PDE1C: variants seen among roughly 807,000 people sequenced by gnomAD.
PDE1C encodes the protein phosphodiesterase 1C, also known as dual specificity calcium/calmodulin-dependent 3',5'-cyclic nucleotide phosphodiesterase 1C.
A neutral mutation model predicts 93.1 loss-of-function variants in PDE1C; 62 were observed. The ratio of observed to expected loss-of-function variants is 0.67; its 90% CI spans 0.54 to 0.82. PDE1C has a LOEUF of 0.82. PDE1C is among the 40% of genes least tolerant of loss of function. The pLI, the probability that PDE1C is intolerant of heterozygous loss-of-function variation, is 0.00. For synonymous variants in PDE1C, 325 were observed against 310.1 expected (o/e 1.05, Z -0.50); for missense variants, 742 against 884.6 (o/e 0.84, Z 2.04).
chr7:31,780,657 T>C (rs1359123493), intron 16 of PDE1C, among the ~76,000 whole-genome samples: 1 of 152,252 alleles, frequency 6.6e-6, no homozygotes, highest in African/African-American at 2.4e-5. Flanking sequence ...AAAACATCAA[T>C]GTCAGGACAA....
At chr7:32,218,731 A>C (rs971639776) in intron 1 of PDE1C, among the ~76,000 whole-genome samples, 1 of 152,230 alleles carries the variant, frequency 6.6e-6, no homozygotes, top group Non-Finnish European at 1.5e-5. Flanking sequence ...TTTATGCAAC[A>C]AAGTGAGATG....
intron 7 of PDE1C, among the ~76,000 whole-genome samples, chr7:31,852,364 G>A (rs548146776): frequency 3.2e-4 from 48 of 152,166 alleles, no homozygotes; most frequent in Non-Finnish European, 5.9e-4. Context: ...TGAGGTACAC[G>A]GAACAGAAAG....
At chr7:31,969,803 T>C (rs962890781) in intron 2 of PDE1C, among the ~76,000 whole-genome samples, 3 of 152,196 alleles carry the variant, frequency 2.0e-5, no homozygotes, top group African/African-American at 7.2e-5. Context: ...CATGGAATAC[T>C]ATGCAGCCAT....
chr7:31,764,328 T>C (rs1795010504), intron 17 of PDE1C, among the ~76,000 whole-genome samples: 1 of 152,074 alleles, frequency 6.6e-6, no homozygotes, highest in Non-Finnish European at 1.5e-5. Context: ...GTATTTTTAG[T>C]AGAGATGGGG....
chr7:32,020,802 A>G (rs542743959), intron 2 of PDE1C, among the ~76,000 whole-genome samples: 73 of 152,240 alleles, frequency 4.8e-4, no homozygotes, highest in African/African-American at 1.7e-3. Flanking sequence ...TCCCAACAAC[A>G]TGAGGATCAT....
intron 16 of PDE1C, among the ~76,000 whole-genome samples, chr7:31,792,343 CA>C (rs920819876): frequency 1.4e-4 from 22 of 151,958 alleles, no homozygotes; most frequent in African/African-American, 5.3e-4. Flanking sequence ...AGCATATGCT[CA>C]ACAATATTTT....
In PDE1C at chr7:32,000,388, G is replaced by T. The variant is rs544903276; in HGVS notation, c.128+51166C>A. On this transcript the variant is annotated intron_variant, in intron 2 of 17. Coordinates refer to ENST00000396191, the MANE Select transcript of PDE1C (RefSeq NM_001191057.4). The stretch of plus-strand genomic sequence containing the variant: ...GATGCTATAAGAGGGAAACAAGATG[G>T]TTGGGGGAAGGTTTGGAAAGAAGAA... Among the ~76,000 whole-genome samples, 5 of 152,296 alleles carry T rather than the reference G, an allele frequency of 3.3e-5. No individual in the cohort carries two copies. In the East Asian group the frequency reaches 9.6e-4, roughly 29 times the overall value.
chr7:32,162,551 G>T (rs769480422), intron 3 of PDE1C, among the ~76,000 whole-genome samples: 6 of 151,302 alleles, frequency 4.0e-5, no homozygotes, highest in Non-Finnish European at 5.9e-5. Context: ...GGGTGGCAGT[G>T]TCTGAGACTG....
Position 31,907,566 on chromosome 7 carries a change from A to C in PDE1C, c.129-26706T>G, listed in dbSNP as rs189320203. On this transcript the variant is annotated intron_variant, in intron 2 of 17. Transcript: ENST00000396191. ...TTTGTTAGGGTAATACCATTTATAC[A>C]TTTATTTATAATTTTATATTCCTCC... Among the ~76,000 whole-genome samples, 393 of 152,300 alleles carry C rather than the reference A, an allele frequency of 2.6e-3. 3 individuals carry two copies. The highest frequency in any genetic ancestry group is 6.0e-3 in the African/African-American group (248 of 41,568).
At chr7:31,898,951 C>G (rs1481493885) in intron 2 of PDE1C, among the ~76,000 whole-genome samples, 1 of 152,086 alleles carries the variant, frequency 6.6e-6, no homozygotes, top group African/African-American at 2.4e-5. Flanking sequence ...TCCATTGCAA[C>G]TAGATTTCAA....
At chr7:31,931,018 C>T (rs909863723) in intron 2 of PDE1C, among the ~76,000 whole-genome samples, 18 of 152,178 alleles carry the variant, frequency 1.2e-4, no homozygotes, top group African/African-American at 4.3e-4. Flanking sequence ...GCAGAAAAGG[C>T]CTTCAGTAAA....
chr7:32,183,888 T>C (rs1021473229), intron 2 of PDE1C, among the ~76,000 whole-genome samples: 1 of 152,002 alleles, frequency 6.6e-6, no homozygotes, highest in African/African-American at 2.4e-5. Flanking sequence ...GAGAAAATTT[T>C]CCCAACCTAC....
At chr7:31,773,326 C>G (rs1226334105) in intron 17 of PDE1C, among the ~76,000 whole-genome samples, 1 of 152,012 alleles carries the variant, frequency 6.6e-6, no homozygotes, top group Non-Finnish European at 1.5e-5. Context: ...AGCTGTGATT[C>G]TGAGTCAGAG....
the PDE1C span, chr7:31,642,215 G>A: frequency 7.7e-6 from 12 of 1,560,658 alleles, no homozygotes; most frequent in Non-Finnish European, 1.0e-5. Flanking sequence ...CAGTCTGACA[G>A]CAGCGGGTTC....
At chr7:31,968,490 C>T (rs1053847261) in intron 2 of PDE1C, among the ~76,000 whole-genome samples, 24 of 152,176 alleles carry the variant, frequency 1.6e-4, no homozygotes, top group African/African-American at 5.3e-4. Context: ...ACATTCCATG[C>T]TCATGGGTAG....
Position 32,045,136 on chromosome 7 carries a change from T to C in PDE1C, c.128+6418A>G, listed in dbSNP as rs375842386. Among the ~76,000 whole-genome samples, 25 of 142,594 alleles carry C rather than the reference T, an allele frequency of 1.8e-4. No individual in the cohort carries two copies. In the East Asian group the frequency reaches 2.9e-3, roughly 16 times the overall value. The allele number at this position is 142,594 out of a possible 152,430, so 93.5% of individuals were successfully genotyped here. On this transcript the variant is annotated intron_variant, in intron 2 of 17. Coordinates refer to ENST00000396191, the MANE Select transcript of PDE1C (RefSeq NM_001191057.4). ...AGTGAGTGAATGACTAAGTAGTGAA[T>C]GAGTGATGGCTGCCTGTACTCTGAA...
intron 1 of PDE1C, among the ~76,000 whole-genome samples, chr7:32,331,335 G>C (rs183897763): frequency 3.9e-5 from 6 of 152,326 alleles, no homozygotes. Context: ...AGCTGCGCTG[G>C]TGTGCGAAGC....
At chr7:32,263,899 A>G (rs1048776846) in intron 1 of PDE1C, among the ~76,000 whole-genome samples, 1 of 152,208 alleles carries the variant, frequency 6.6e-6, no homozygotes. Flanking sequence ...GAGGCACACA[A>G]TATCAGTCTC....
intron 3 of PDE1C, among the ~76,000 whole-genome samples, chr7:32,116,997 C>T (rs917915632): frequency 1.3e-5 from 2 of 152,180 alleles, no homozygotes; most frequent in Admixed American, 6.5e-5. Context: ...CACTTTTATA[C>T]ACAAGTTATT....
Sources: gnomAD v4.1 joint callset for allele counts (sites outside exome capture counted in the v4.1 genomes callset) on GRCh38, gnomAD v4.1.1 for gene constraint, MANE v1.5 for transcripts, NCBI Gene and HGNC (gene_info 2026-07-23, HGNC 2026-07-21) for gene names.